POLA1: variants seen among roughly 807,000 people sequenced by gnomAD.
POLA1 encodes DNA polymerase alpha catalytic subunit.
Under a neutral mutation model 124.0 loss-of-function variants are expected in POLA1, and 15 were observed. That is an observed-to-expected ratio of 0.12 (90% confidence interval 0.08 to 0.19). The LOEUF is 0.19. POLA1 is among the 10% of genes least tolerant of loss of function. The probability of loss-of-function intolerance (pLI) is 1.00; values close to 1 mark genes in which losing one functional copy is unlikely to be tolerated. For synonymous variants in POLA1, 408 were observed against 389.4 expected, an observed-to-expected ratio of 1.05 and a Z score of -0.56; for missense variants, 886 against 1,103.4, an observed-to-expected ratio of 0.80 and a Z score of 2.79.
intron 36 of POLA1, among the ~76,000 whole-genome samples, chrX:24,943,383 G>A (rs1006436709): frequency 1.8e-5 from 2 of 112,480 alleles, no homozygotes; most frequent in Admixed American, 9.4e-5. Flanking sequence ...AAGCATGGCT[G>A]ATTTTTTGTT....
At chrX:24,841,129 T>C (rs750326638) in intron 32 of POLA1, among the ~76,000 whole-genome samples, 9 of 112,226 alleles carry the variant, frequency 8.0e-5, no homozygotes, top group African/African-American at 2.9e-4. Context: ...GCATTTTGTC[T>C]CAGATGCTGC....
chrX:24,901,311 C>T (rs922911186), intron 35 of POLA1, among the ~76,000 whole-genome samples: 1 of 110,976 alleles, frequency 9.0e-6, no homozygotes, highest in African/African-American at 3.3e-5. Flanking sequence ...AACAGTGGGC[C>T]TTGCAGATAT....
intron 35 of POLA1, among the ~76,000 whole-genome samples, chrX:24,912,426 T>C (rs59945258): frequency 0.011 from 1,235 of 111,829 alleles, 18 homozygotes; most frequent in African/African-American, 0.038. Flanking sequence ...AGGCAATGAC[T>C]GCCACAGACT....
chrX:24,709,138 G>A (rs1402938555), intron 4 of POLA1, among the ~76,000 whole-genome samples: 2 of 75,879 alleles, frequency 2.6e-5, no homozygotes, highest in African/African-American at 1.0e-4. Context: ...CAGTAGGGGC[G>A]GCCGGGCAGA....
At chrX:24,894,783 C>A (rs981878636) in intron 35 of POLA1, among the ~76,000 whole-genome samples, 1 of 105,269 alleles carries the variant, frequency 9.5e-6, no homozygotes, top group Non-Finnish European at 1.9e-5. Flanking sequence ...CTTTTCTTTT[C>A]TTTTCTTTTT....
intron 34 of POLA1, among the ~76,000 whole-genome samples, chrX:24,868,529 A>G (rs2046824755): frequency 8.9e-6 from 1 of 112,171 alleles, no homozygotes. Flanking sequence ...AGAGAGTAAC[A>G]GTATCTATGA....
At chrX:24,786,503 T>A (rs1254739785) in intron 26 of POLA1, among the ~76,000 whole-genome samples, 4 of 109,352 alleles carry the variant, frequency 3.7e-5, no homozygotes, top group Non-Finnish European at 5.7e-5. Context: ...TTTTATTTTT[T>A]ATTTTTATTT....
intron 15 of POLA1, among the ~76,000 whole-genome samples, chrX:24,730,968 C>A (rs957948036): frequency 8.9e-6 from 1 of 112,058 alleles, no homozygotes; most frequent in South Asian, 3.7e-4. Flanking sequence ...AGACGGTTTC[C>A]AGCTAATAAA....
Position 24,717,486 on chromosome X carries a change from C to T in POLA1, c.903C>T (p.Ser301=). The T allele has an allele frequency of 1.7e-6, 2 of 1,208,917 alleles. No homozygotes were observed. The highest frequency in any genetic ancestry group is 2.2e-6 in the Non-Finnish European group (2 of 892,825). The part of the protein sequence containing the change: ...QEADSGKGTV[S]YLGSFLPDVS... ...CGGATTCTGGGAAAGGGACCGTGTCCTACTTGTAAGAGCATTTTATGACTT... is the reference window on the plus strand; with the variant it reads ...CGGATTCTGGGAAAGGGACCGTGTCTTACTTGTAAGAGCATTTTATGACTT... Residue 301 remains serine (S), a synonymous_variant, in exon 9 of 37, where the codon TCC becomes TCT. Coordinates refer to ENST00000379068, the MANE Select transcript of POLA1 (RefSeq NM_001330360.2).
At chrX:24,882,457 T>C (rs928068516) in intron 34 of POLA1, among the ~76,000 whole-genome samples, 7 of 110,807 alleles carry the variant, frequency 6.3e-5, no homozygotes, top group Non-Finnish European at 1.1e-4. Context: ...CAAGAGGTAG[T>C]TTTTCAGCCC....
intron 36 of POLA1, among the ~76,000 whole-genome samples, chrX:24,945,495 A>T (rs962452360): frequency 1.1e-4 from 12 of 112,489 alleles, no homozygotes; most frequent in African/African-American, 3.9e-4. Flanking sequence ...ACTGTGTTTT[A>T]GTTTTCTTAT....
intron 30 of POLA1, among the ~76,000 whole-genome samples, chrX:24,815,835 C>T (rs2045981864): frequency 8.9e-6 from 1 of 111,936 alleles, no homozygotes; most frequent in African/African-American, 3.2e-5. Context: ...AAGACTCATT[C>T]ATAGTACTCT....
chrX:24,768,702 A>G (rs2044963952), intron 26 of POLA1, among the ~76,000 whole-genome samples: 1 of 112,092 alleles, frequency 8.9e-6, no homozygotes, highest in African/African-American at 3.2e-5. Flanking sequence ...CTTGAAGATA[A>G]TGAAACAGTC....
chrX:24,944,854 G>A (rs1436186014), intron 36 of POLA1, among the ~76,000 whole-genome samples: 1 of 112,341 alleles, frequency 8.9e-6, no homozygotes, highest in African/African-American at 3.2e-5. Flanking sequence ...TTGTGTTCAG[G>A]AGTTTTAGGA....
chrX:24,874,190 T>C (rs1041021713), intron 34 of POLA1, among the ~76,000 whole-genome samples: 1 of 112,369 alleles, frequency 8.9e-6, no homozygotes, highest in Admixed American at 9.5e-5. Context: ...AAATATATCA[T>C]TTCTTATTAC....
intron 26 of POLA1, among the ~76,000 whole-genome samples, chrX:24,773,374 G>A (rs2045078125): frequency 8.9e-6 from 1 of 111,886 alleles, no homozygotes; most frequent in Non-Finnish European, 1.9e-5. Context: ...AACAGAACAT[G>A]AGCTTAACAG....
chrX:24,951,033 T>C (rs1274809281), intron 36 of POLA1, among the ~76,000 whole-genome samples: 1 of 111,820 alleles, frequency 8.9e-6, no homozygotes, highest in Admixed American at 9.5e-5. Flanking sequence ...TATCTTAAAA[T>C]TGGTGAAATA....
intron 35 of POLA1, among the ~76,000 whole-genome samples, chrX:24,925,341 G>A (rs2047675365): frequency 2.7e-5 from 3 of 111,294 alleles, no homozygotes; most frequent in Middle Eastern, 9.3e-3. Flanking sequence ...GTTGTATGAG[G>A]GTGATAACTT....
At chrX:24,850,569 G>A (rs1178570936) in intron 34 of POLA1, among the ~76,000 whole-genome samples, 1 of 111,304 alleles carries the variant, frequency 9.0e-6, no homozygotes, top group Non-Finnish European at 1.9e-5. Flanking sequence ...GTTTGGGGAG[G>A]CTCAGATCTA....
Sources: allele counts gnomAD v4.1 joint callset (sites outside exome capture counted in the v4.1 genomes callset), GRCh38; gene constraint gnomAD v4.1.1; transcripts MANE v1.5; gene names NCBI Gene and HGNC (gene_info 2026-07-23, HGNC 2026-07-21).